Variants in ROCK2 observed in about 807,000 individuals in gnomAD.
ROCK2 encodes Rho associated coiled-coil containing protein kinase 2.
A neutral mutation model predicts 195.1 loss-of-function variants in ROCK2; 61 were observed. The ratio of observed to expected loss-of-function variants is 0.31; its 90% confidence interval spans 0.25 to 0.39. The LOEUF (loss-of-function observed/expected upper bound fraction) is 0.39, where lower values mean the gene tolerates loss of function less well. ROCK2 is among the 10% of genes least tolerant of loss of function. The pLI is 1.00. For synonymous variants in ROCK2, 504 were observed against 545.5 expected (o/e 0.92, Z 1.06); for missense variants, 1,109 against 1,637.4 (o/e 0.68, Z 5.57).
At chr2:11,265,470 C>G (rs1234981478) in intron 3 of ROCK2, among the ~76,000 whole-genome samples, 2 of 151,956 alleles carry the variant, frequency 1.3e-5, no homozygotes, top group African/African-American at 2.4e-5. Flanking sequence ...TTTAAACTTT[C>G]CTAGAATGAA....
At chr2:11,331,223 G>A (rs1356959981) in intron 1 of ROCK2, among the ~76,000 whole-genome samples, 1 of 152,078 alleles carries the variant, frequency 6.6e-6, no homozygotes, top group Admixed American at 6.5e-5. Context: ...GACTTCTAGA[G>A]GATTCACACC....
chr2:11,179,836 C>T lies in ROCK2; in HGVS notation c.*3601G>A, dbSNP rs922796235. ...GGCATAAAATACAATTACATTACTA[C>T]GAAGATGCAACAAAATTTTAAAAAA... On this transcript the variant is annotated 3_prime_UTR_variant, in exon 33 of 33. Coordinates refer to ENST00000315872, the MANE Select transcript of ROCK2 (RefSeq NM_004850.5). The T allele has an allele frequency of 3.3e-5, 5 of 151,842 alleles. No homozygotes were observed. The highest frequency in any genetic ancestry group is 5.9e-5 in the Non-Finnish European group (4 of 67,990). The allele number at this position is 151,842 out of a possible 1,614,324, so 9.4% of individuals were successfully genotyped here.
intron 18 of ROCK2, among the ~76,000 whole-genome samples, chr2:11,211,017 G>A (rs1395026347): frequency 2.0e-5 from 3 of 152,132 alleles, no homozygotes; most frequent in African/African-American, 7.2e-5. Context: ...CACAAGAATA[G>A]CTTAAAGTAC....
intron 20 of ROCK2, 54 bp from the exon 21 acceptor site, chr2:11,202,175 C>A: frequency 7.0e-7 from 1 of 1,433,226 alleles, no homozygotes; most frequent in South Asian, 1.1e-5. Flanking sequence ...TTTAAACGAG[C>A]AGCTCTCAAA....
chr2:11,336,685 A>C (rs1248001179), intron 1 of ROCK2, among the ~76,000 whole-genome samples: 1 of 152,242 alleles, frequency 6.6e-6, no homozygotes, highest in African/African-American at 2.4e-5. Context: ...AAAGGTGCCA[A>C]AGCAATCCAA....
intron 3 of ROCK2, among the ~76,000 whole-genome samples, chr2:11,260,897 T>A (rs932174284): frequency 2.0e-5 from 3 of 152,232 alleles, no homozygotes; most frequent in African/African-American, 7.2e-5. Context: ...TGATTCTTCA[T>A]GCAAAAATGC....
rs746382525 is a variant in ROCK2 at position 11,227,306 on chromosome 2, C to T, written c.816G>A (p.Gly272=). ...LKSQGGDGFY[G]RECDWWSVGV... is the part of the protein sequence containing the mutation. ...CTACAGACCACCAATCACATTCTCG[C>T]CCATAGAAACCATCACCCCCTTGTG... The change falls in exon 6 of 33, where the codon GGG becomes GGA. Residue 272 remains glycine, a synonymous_variant. Transcript: ENST00000315872. The T allele has an allele frequency of 1.2e-6, 2 of 1,613,806 alleles. No individual in the cohort carries two copies. Among genetic ancestry groups the T allele is most frequent in the African/African-American group, 2.7e-5 (2 of 74,900 alleles).
In ROCK2 at chr2:11,344,269, T is replaced by C; in HGVS notation, c.-133A>G. 1.6e-6 allele frequency: 2 copies of C among 1,279,610 alleles called. No homozygotes were observed. The highest frequency in any genetic ancestry group is 2.6e-5 in the South Asian group (1 of 39,032). 79.3% of individuals were successfully genotyped at this position (1,279,610 alleles called of 1,614,324 possible). ...CCACCGCCTGCCTCTAGCTCCGGCT[T>C]CGGGTCTCCAAGGCGGTCCCCCGCC... On this transcript the variant is annotated 5_prime_UTR_variant, in exon 1 of 33. Coordinates refer to ENST00000315872, the MANE Select transcript of ROCK2 (RefSeq NM_004850.5). The surrounding 1 kb of genome is among the most constrained non-coding windows in gnomAD (Gnocchi z 5.4).
intron 11 of ROCK2, chr2:11,217,658 G>A (rs771556706): frequency 1.8e-5 from 3 of 168,024 alleles, no homozygotes; most frequent in South Asian, 1.4e-4. Flanking sequence ...TCATATTACC[G>A]AGGAGTAATC....
intron 3 of ROCK2, among the ~76,000 whole-genome samples, chr2:11,267,751 G>A (rs1293586415): frequency 6.7e-6 from 1 of 148,622 alleles, no homozygotes; most frequent in Non-Finnish European, 1.5e-5. Flanking sequence ...ACCCAGGCTG[G>A]AGTGCAGTGG....
At chr2:11,238,402 C>T (rs1665303126) in intron 4 of ROCK2, among the ~76,000 whole-genome samples, 1 of 152,074 alleles carries the variant, frequency 6.6e-6, no homozygotes, top group African/African-American at 2.4e-5. Context: ...CCATCTCAAT[C>T]CCAGTGGGTC....
chr2:11,220,957 A>G (rs1196666822), intron 9 of ROCK2, among the ~76,000 whole-genome samples: 2 of 152,218 alleles, frequency 1.3e-5, no homozygotes, highest in African/African-American at 2.4e-5. Context: ...CTTCAAAAAT[A>G]GGTATTTGTT....
rs547898469 is a variant in ROCK2 at position 11,201,792 on chromosome 2, A to G, written c.2619+260T>C. Among the ~76,000 whole-genome samples the G allele has an allele frequency of 6.6e-6, 1 of 152,338 alleles. No individual in the cohort carries two copies. Among genetic ancestry groups the G allele is most frequent in the Non-Finnish European group, 1.5e-5 (1 of 68,026 alleles). On this transcript the variant is annotated intron_variant, in intron 21 of 32. Coordinates refer to ENST00000315872, the MANE Select transcript of ROCK2 (RefSeq NM_004850.5). This position sits in a 1 kb window ranked among gnomAD's most constrained non-coding sequence, Gnocchi z 4.6. ...TAAAACTGATCTCAAAAAAAGCACAACTATTAAAATGATAATTTTATTACA... is the reference window on the plus strand; with the variant it reads ...TAAAACTGATCTCAAAAAAAGCACAGCTATTAAAATGATAATTTTATTACA...
Position 11,194,955 on chromosome 2 carries a change from C to A in ROCK2, c.3519G>T (p.Lys1173Asn). 1 of 1,548,410 alleles carries A rather than the reference C, an allele frequency of 6.5e-7. No individual in the cohort carries two copies. Among genetic ancestry groups the A allele is most frequent in the Non-Finnish European group, 8.8e-7 (1 of 1,138,512 alleles). The change falls in exon 28 of 33, where the codon AAG (lysine) becomes AAT (asparagine). Residue 1173 changes from lysine (K) to asparagine (N), a missense_variant and splice_region_variant. By Grantham distance (94) the Lys-to-Asn change is moderately conservative (BLOSUM62 0). Around this residue, in one of 6 missense-constraint regions of ROCK2, gnomAD observed 221 missense variants for 355.1 expected, o/e 0.62. Transcript: ENST00000315872. The part of the protein sequence containing the change: ...NNTKKFGWVK[K>N]YVIVSSKKIL... ...GCTCATATTCCAAAGTATCAATTAC[C>A]TTTTTAACCCATCCAAATTTCTTAG...
intron 16 of ROCK2, 112 bp from the exon 17 acceptor site, chr2:11,214,575 G>A: frequency 1.4e-6 from 1 of 699,954 alleles, no homozygotes; most frequent in South Asian, 1.9e-5. Context: ...TTTGTGAGCA[G>A]AAGTTTTATA....
intron 3 of ROCK2, among the ~76,000 whole-genome samples, chr2:11,254,789 C>G (rs1665963400): frequency 7.2e-6 from 1 of 137,986 alleles, no homozygotes; most frequent in African/African-American, 2.7e-5. Context: ...CTTGGTCGTT[C>G]AGCTGACACA....
rs1458560694 is a variant in ROCK2, at chr2:11,211,829, G to A, written c.2055C>T (p.Asn685=). 3 of 1,585,308 alleles carry A rather than the reference G, an allele frequency of 1.9e-6. No individual in the cohort carries two copies. The highest frequency in any genetic ancestry group is 2.6e-6 in the Non-Finnish European group (3 of 1,169,738). ...GTTGGTATGTCATATCTATTTCCAT[G>A]TTGCTTTTTTCCTATTAAATATTTA... ...RFTDLEKEKS[N]MEIDMTYQLK... The change falls in exon 18 of 33, where the codon AAC becomes AAT. Residue 685 remains asparagine, a synonymous_variant. Coordinates refer to ENST00000315872, the MANE Select transcript of ROCK2 (RefSeq NM_004850.5).
chr2:11,249,233 G>A (rs1011407282), intron 4 of ROCK2, among the ~76,000 whole-genome samples: 1 of 152,128 alleles, frequency 6.6e-6, no homozygotes, highest in Non-Finnish European at 1.5e-5. Flanking sequence ...TATACTTTAA[G>A]TTCTAGAGTA....
chr2:11,193,639 A>G, intron 30 of ROCK2, 140 bp downstream of exon 30: 1 of 439,108 alleles, frequency 2.3e-6, no homozygotes, highest in Middle Eastern at 3.1e-4. Context: ...AACCATCTTT[A>G]AATAGGACTG....
Sources: gnomAD v4.1 joint callset for allele counts (sites outside exome capture counted in the v4.1 genomes callset) on GRCh38, gnomAD v4.1.1 for gene constraint, gnomAD v4.1.1 regional missense constraint, Gnocchi (gnomAD v3.1) non-coding constraint, MANE v1.5 for transcripts, NCBI Gene and HGNC (gene_info 2026-07-23, HGNC 2026-07-21) for gene names.